MKRN2OS: variants seen among roughly 807,000 people sequenced by gnomAD.
MKRN2OS encodes MKRN2 opposite strand protein.
A neutral mutation model predicts 18.2 loss-of-function variants in MKRN2OS; 17 were observed. The ratio of observed to expected loss-of-function variants is 0.93; its 90% CI spans 0.64 to 1.40. The LOEUF (loss-of-function observed/expected upper bound fraction) is 1.40, where lower values mean the gene tolerates loss of function less well. Ranked by LOEUF, MKRN2OS falls within the 40% of genes most tolerant of loss-of-function variation. The pLI, the probability that MKRN2OS is intolerant of heterozygous loss-of-function variation, is 0.00. For missense variants in MKRN2OS, 337 were observed against 283.0 expected, an observed-to-expected ratio of 1.19 and a Z score of -1.37; for synonymous variants, 121 against 108.5, an observed-to-expected ratio of 1.12 and a Z score of -0.72.
chr3:12,559,948 G>C (rs1283405954), intron 1 of MKRN2OS, among the ~76,000 whole-genome samples: 1 of 152,120 alleles, frequency 6.6e-6, no homozygotes, highest in Non-Finnish European at 1.5e-5. Flanking sequence ...TTGATTCTTT[G>C]AAAGTCACAA....
At position 12,540,397 on chromosome 3, in the gene MKRN2OS, T is replaced by C. The variant is rs985424070; in HGVS notation, c.468A>G (p.Ala156=). 2.6e-6 allele frequency: 4 copies of C among 1,536,038 alleles called. No homozygotes were observed. The highest frequency in any genetic ancestry group is 3.5e-6 in the Non-Finnish European group (4 of 1,146,896). The change falls in exon 4 of 4, where the codon GCA becomes GCG. Residue 156 remains alanine, a synonymous_variant. Coordinates refer to ENST00000564146, the MANE Select transcript of MKRN2OS (RefSeq NM_001195279.2). ...TCAGAACGCAGTTAATGAACGTGAGTGCGTAAGAGTAGCAGTTATGGTGGT... is the reference window on the plus strand; with the variant it reads ...TCAGAACGCAGTTAATGAACGTGAGCGCGTAAGAGTAGCAGTTATGGTGGT... The part of the protein sequence containing the change: ...EDNHHNCYSY[A]LTFINCVLMA...
At chr3:12,557,080 C>T in intron 1 of MKRN2OS, 1 of 1,451,066 alleles carries the variant, frequency 6.9e-7, no homozygotes, top group Non-Finnish European at 9.1e-7. Context: ...TGGGCCGGGC[C>T]AGGGCCAAGG....
chr3:12,543,448 G>A (rs1289377714), intron 1 of MKRN2OS, among the ~76,000 whole-genome samples: 3 of 151,974 alleles, frequency 2.0e-5, no homozygotes, highest in Non-Finnish European at 2.9e-5. Context: ...TTAGCCAGGT[G>A]TGTTAGTGTG....
chr3:12,540,877 C>CAAAAAA (rs11369647), intron 3 of MKRN2OS, among the ~76,000 whole-genome samples: 24 of 59,666 alleles, frequency 4.0e-4, no homozygotes, highest in African/African-American at 6.7e-4. Context: ...GACTCCATCT[C>CAAAAAA]AAAAAAAAAA....
At chr3:12,545,771 T>G (rs2057877010), upstream of MKRN2OS, among the ~76,000 whole-genome samples, 1 of 152,234 alleles carries the variant, frequency 6.6e-6, no homozygotes, top group Non-Finnish European at 1.5e-5. Context: ...AGTCTTCCCT[T>G]GCAGTGGCAG....
At chr3:12,557,259 A>C in intron 1 of MKRN2OS, 1 of 1,490,042 alleles carries the variant, frequency 6.7e-7, no homozygotes, top group South Asian at 1.2e-5. Context: ...TGGTCCGGGA[A>C]CCTGAGGCTA....
upstream of MKRN2OS, among the ~76,000 whole-genome samples, chr3:12,548,167 G>A (rs1443706331): frequency 4.6e-5 from 7 of 152,222 alleles, no homozygotes; most frequent in East Asian, 7.8e-4. Flanking sequence ...ATAATTAGCC[G>A]GTCGGGCGCG....
upstream of MKRN2OS, among the ~76,000 whole-genome samples, chr3:12,545,829 C>T (rs970598261): frequency 2.0e-5 from 3 of 152,168 alleles, no homozygotes; most frequent in African/African-American, 7.2e-5. Flanking sequence ...TATTTAGAGA[C>T]AGGGTCTCAC....
chr3:12,551,689 A>G (rs1179686786), downstream of MKRN2OS, among the ~76,000 whole-genome samples: 1 of 152,140 alleles, frequency 6.6e-6, no homozygotes, highest in Non-Finnish European at 1.5e-5. Context: ...TAATCCCAGC[A>G]CTTTGGGAGG....
chr3:12,550,521 TG>T (rs1210517666), downstream of MKRN2OS, among the ~76,000 whole-genome samples: 1 of 152,212 alleles, frequency 6.6e-6, no homozygotes, highest in Non-Finnish European at 1.5e-5. Context: ...AGAGTAAGCC[TG>T]GGCAAAATAG....
Position 12,540,018 on chromosome 3 carries a change from C to G in MKRN2OS, c.*175G>C. The G allele has an allele frequency of 1.2e-6, 1 of 851,166 alleles. No homozygotes were observed. Among genetic ancestry groups the G allele is most frequent in the East Asian group, 2.7e-5 (1 of 36,530 alleles). The allele number at this position is 851,166 out of a possible 1,614,324, so 52.7% of individuals were successfully genotyped here. On this transcript the variant is annotated 3_prime_UTR_variant, in exon 4 of 4. Transcript: ENST00000564146. ...CAGGCTGGTCTCAAACTCCCAACCTCAGGTGACCTACCTGTCTTAGCTTCC... is the reference window on the plus strand; with the variant it reads ...CAGGCTGGTCTCAAACTCCCAACCTGAGGTGACCTACCTGTCTTAGCTTCC...
chr3:12,551,873 G>C (rs1038930437), downstream of MKRN2OS, among the ~76,000 whole-genome samples: 3 of 152,018 alleles, frequency 2.0e-5, no homozygotes, highest in African/African-American at 7.2e-5. Flanking sequence ...GAACCCGGGA[G>C]GTGGAGGTTG....
chr3:12,549,348 G>T (rs1050399949), upstream of MKRN2OS, among the ~76,000 whole-genome samples: 1 of 151,802 alleles, frequency 6.6e-6, no homozygotes, highest in African/African-American at 2.4e-5. Flanking sequence ...GGTTCAAGCG[G>T]TTCTCCTGCC....
Position 12,540,405 on chromosome 3 carries a change from AG to A in MKRN2OS, c.459del (p.Ser154LeufsTer11). 4 of 1,536,144 alleles carry A rather than the reference AG, an allele frequency of 2.6e-6. No homozygotes were observed. The highest frequency in any genetic ancestry group is 3.5e-6 in the Non-Finnish European group (4 of 1,146,910). ...CAGTTAATGAACGTGAGTGCGTAAG[AG>A]TAGCAGTTATGGTGGTTGTCTTCAT... ...HRYEDNHHNC[Y>X]SYALTFINCV... On this transcript the variant is annotated frameshift_variant, in exon 4 of 4. Transcript: ENST00000564146. LOFTEE classifies it low-confidence loss of function (END_TRUNC).
intron 2 of MKRN2OS, 67 bp downstream of exon 2, chr3:12,543,113 T>C: frequency 1.5e-6 from 2 of 1,321,518 alleles, no homozygotes; most frequent in Non-Finnish European, 2.1e-6. Context: ...CATAATCAAA[T>C]CTCCACAAAT....
At chr3:12,543,945 C>T (rs892450818) in intron 1 of MKRN2OS, among the ~76,000 whole-genome samples, 10 of 151,584 alleles carry the variant, frequency 6.6e-5, no homozygotes, top group African/African-American at 2.2e-4. Flanking sequence ...GATAAGGAAC[C>T]AGAGATACCT....
intron 2 of MKRN2OS, 43 bp from the exon 3 acceptor site, chr3:12,542,065 C>G (rs1174309901): frequency 1.3e-6 from 2 of 1,508,812 alleles, no homozygotes; most frequent in Admixed American, 2.0e-5. Flanking sequence ...CAAGGAAACA[C>G]ACACCTCTGT....
intron 1 of MKRN2OS, chr3:12,557,010 G>A: frequency 1.0e-6 from 1 of 983,676 alleles, no homozygotes; most frequent in East Asian, 3.4e-5. Context: ...CGCTACAAAG[G>A]TGCCACACCG....
At chr3:12,545,043 C>T (rs865967211) in intron 1 of MKRN2OS, among the ~76,000 whole-genome samples, 1 of 152,200 alleles carries the variant, frequency 6.6e-6, no homozygotes, top group East Asian at 1.9e-4. Flanking sequence ...CACATATATT[C>T]TTGCACTTGT....
Sources: allele counts gnomAD v4.1 joint callset (sites outside exome capture counted in the v4.1 genomes callset), GRCh38; gene constraint gnomAD v4.1.1; transcripts MANE v1.5; gene names NCBI Gene and HGNC (gene_info 2026-07-23, HGNC 2026-07-21).